The following GABRG3 variants were observed in gnomAD, a reference collection of about 807,000 sequenced individuals.
GABRG3 encodes gamma-aminobutyric acid type A receptor subunit gamma3, also known as gamma-aminobutyric acid receptor subunit gamma-3.
Under a neutral mutation model 48.8 loss-of-function variants are expected in GABRG3, and 25 were observed. The observed-to-expected ratio is 0.51, with a 90% CI of 0.37 to 0.72. GABRG3 has a LOEUF of 0.72. GABRG3 is among the 30% of genes least tolerant of loss of function. The probability of loss-of-function intolerance (pLI) is 0.00; values close to 1 mark genes in which losing one functional copy is unlikely to be tolerated. For missense variants in GABRG3, 394 were observed against 577.9 expected, an observed-to-expected ratio of 0.68 and a Z score of 3.26; for synonymous variants, 227 against 217.6, an observed-to-expected ratio of 1.04 and a Z score of -0.38.
chr15:27,129,483 T>A (rs1056483175), intron 3 of GABRG3, among the ~76,000 whole-genome samples: 1 of 152,228 alleles, frequency 6.6e-6, no homozygotes, highest in Non-Finnish European at 1.5e-5. Context: ...ACCTTCTGGT[T>A]ATTGTGAATA....
chr15:27,434,343 G>A lies in GABRG3; in HGVS notation c.575-46307G>A, dbSNP rs115526789. Among the ~76,000 whole-genome samples, 558 of 152,138 alleles carry A rather than the reference G, an allele frequency of 3.7e-3. 8 individuals carry two copies. The highest frequency in any genetic ancestry group is 0.013 in the African/African-American group (547 of 41,504). ...AAAAATAACTTGTCCTTTGAGAACC[G>A]GCAGAATTCAAGCACAGAGCAAAAG... On this transcript the variant is annotated intron_variant, in intron 5 of 9. Transcript: ENST00000615808.
At chr15:27,110,022 TA>T (rs1897518246) in intron 3 of GABRG3, among the ~76,000 whole-genome samples, 1 of 152,250 alleles carries the variant, frequency 6.6e-6, no homozygotes. Context: ...TGTTCATGTT[TA>T]AAATGATTAT....
rs1382034415 is a variant in GABRG3 at position 26,976,588 on chromosome 15, G to A, written c.54-414G>A. Among the ~76,000 whole-genome samples the A allele has an allele frequency of 6.6e-6, 1 of 152,072 alleles. No individual in the cohort carries two copies. ...TCACCTTCAACGAAAATGAGGTCTT[G>A]GTGGTCAGGGTGGAAACACCACGAT... On this transcript the variant is annotated intron_variant, in intron 1 of 9. Coordinates refer to ENST00000615808, the MANE Select transcript of GABRG3 (RefSeq NM_033223.5). This position sits in a 1 kb window ranked among gnomAD's most constrained non-coding sequence, Gnocchi z 7.8.
At chr15:27,294,021 G>A (rs973955166) in intron 3 of GABRG3, among the ~76,000 whole-genome samples, 2 of 152,098 alleles carry the variant, frequency 1.3e-5, no homozygotes, top group African/African-American at 2.4e-5. Context: ...GTGGGATTGT[G>A]ATTCAAATTA....
chr15:26,983,896 C>A (rs1895101166), intron 2 of GABRG3, among the ~76,000 whole-genome samples: 2 of 152,156 alleles, frequency 1.3e-5, no homozygotes, highest in African/African-American at 4.8e-5. Flanking sequence ...CCGGGTACTT[C>A]AGGGACACTA....
In GABRG3 at chr15:27,532,816, G is replaced by A. The variant is rs888048155; in HGVS notation, c.1339G>A (p.Val447Ile). ...DILELDSYSR[V>I]FFPTSFLLFN... Reference sequence around the variant, plus strand: ...CTTGGAGCTGGACTCGTACTCCCGGGTCTTTTTCCCCACGTCCTTCCTGCT... The same window carrying A: ...CTTGGAGCTGGACTCGTACTCCCGGATCTTTTTCCCCACGTCCTTCCTGCT... The change falls in exon 10 of 10, where the codon GTC becomes ATC. Residue 447 changes from valine (V) to isoleucine (I), a missense_variant. Val to Ile is a conservative substitution (Grantham distance 29, BLOSUM62 3). Around this residue, in one of 3 missense-constraint regions of GABRG3, gnomAD observed 126 missense variants for 155.5 expected, o/e 0.81. Coordinates refer to ENST00000615808, the MANE Select transcript of GABRG3 (RefSeq NM_033223.5). 15 of 1,613,830 alleles carry A rather than the reference G, an allele frequency of 9.3e-6. No individual in the cohort carries two copies. Among genetic ancestry groups the A allele is most frequent in the Non-Finnish European group, 1.3e-5 (15 of 1,179,886 alleles).
At position 27,082,661 on chromosome 15, in the gene GABRG3, G is replaced by T. The variant is rs576730763; in HGVS notation, c.270+55840G>T. 3.3e-5 allele frequency among the ~76,000 whole-genome samples: 5 copies of T among 152,268 alleles called. No individual in the cohort carries two copies. The East Asian group carries it at 9.7e-4, about 29-fold the overall frequency. ...CAGAGTCATTCCGTAGTTGCAGAAC[G>T]TGATTGATGTGGAAAGGATAAAGAA... On this transcript the variant is annotated intron_variant, in intron 3 of 9. Transcript: ENST00000615808.
At chr15:27,093,357 T>C (rs923031216) in intron 3 of GABRG3, among the ~76,000 whole-genome samples, 14 of 152,270 alleles carry the variant, frequency 9.2e-5, no homozygotes, top group African/African-American at 3.4e-4. Flanking sequence ...ATGATGATGA[T>C]AATAGTCAGG....
chr15:27,477,271 G>T (rs1315980550), intron 5 of GABRG3, among the ~76,000 whole-genome samples: 2 of 152,142 alleles, frequency 1.3e-5, no homozygotes, highest in Non-Finnish European at 2.9e-5. Context: ...GAGCTATTAA[G>T]CCATGAAGAC....
intron 3 of GABRG3, among the ~76,000 whole-genome samples, chr15:27,198,598 A>G (rs972899376): frequency 6.6e-6 from 1 of 152,212 alleles, no homozygotes; most frequent in Non-Finnish European, 1.5e-5. Flanking sequence ...TGATTCCTCA[A>G]GAATCTAGAA....
At chr15:27,324,327 G>A (rs1331661183) in intron 3 of GABRG3, among the ~76,000 whole-genome samples, 1 of 152,092 alleles carries the variant, frequency 6.6e-6, no homozygotes, top group Non-Finnish European at 1.5e-5. Flanking sequence ...TGCCCCACAC[G>A]TGCAGTGTAT....
chr15:27,146,999 C>T (rs759412182), intron 3 of GABRG3, among the ~76,000 whole-genome samples: 27 of 151,850 alleles, frequency 1.8e-4, no homozygotes, highest in African/African-American at 2.4e-4. Flanking sequence ...ATTGGCAGAA[C>T]GGCTTTTAAA....
At chr15:27,392,991 C>T (rs1474257296) in intron 5 of GABRG3, among the ~76,000 whole-genome samples, 2 of 151,850 alleles carry the variant, frequency 1.3e-5, no homozygotes, top group Non-Finnish European at 2.9e-5. Flanking sequence ...TTTTTTTCTC[C>T]AATCCTAGAA....
At chr15:27,502,873 T>C (rs1348635455) in intron 6 of GABRG3, among the ~76,000 whole-genome samples, 1 of 151,946 alleles carries the variant, frequency 6.6e-6, no homozygotes, top group Non-Finnish European at 1.5e-5. Context: ...CCCCATGGAG[T>C]TGGGGTGCGC....
rs1481243010 is a variant in GABRG3 at position 27,537,573 on chromosome 15, A to G, written c.*4692A>G. 1 of 152,194 alleles carries G rather than the reference A, an allele frequency of 6.6e-6. No homozygotes were observed. Among genetic ancestry groups the G allele is most frequent in the Non-Finnish European group, 1.5e-5 (1 of 68,028 alleles). The allele number at this position is 152,194 out of a possible 1,614,324, so 9.4% of individuals were successfully genotyped here. On this transcript the variant is annotated 3_prime_UTR_variant, in exon 10 of 10. Coordinates refer to ENST00000615808, the MANE Select transcript of GABRG3 (RefSeq NM_033223.5). ...TATAAAAATAGATCTCTATCATTAT[A>G]GGGATAAAACGTGTATGTTTTGAGA...
Position 27,494,979 on chromosome 15 carries a change from C to T in GABRG3, c.712+14192C>T, listed in dbSNP as rs555070317. Among the ~76,000 whole-genome samples the T allele has an allele frequency of 7.9e-5, 12 of 152,210 alleles. No individual in the cohort carries two copies. The South Asian group carries it at 2.5e-3, about 32-fold the overall frequency. On this transcript the variant is annotated intron_variant, in intron 6 of 9. Transcript: ENST00000615808. ...GAAGTGTACATTTAGTGCTATAAAA[C>T]TCTCATTAAGCACTACTTTAGCTGT...
chr15:27,082,534 A>AG, intron 3 of GABRG3, among the ~76,000 whole-genome samples: 1 of 152,218 alleles, frequency 6.6e-6, no homozygotes, highest in African/African-American at 2.4e-5. Context: ...CCTGCATTAA[A>AG]TGGAACCTGA....
intron 5 of GABRG3, among the ~76,000 whole-genome samples, chr15:27,437,077 T>C (rs899751970): frequency 2.0e-5 from 3 of 151,304 alleles, no homozygotes; most frequent in Admixed American, 1.3e-4. Context: ...ATTTGTTTGT[T>C]TCCATGTTCT....
chr15:27,415,036 G>A (rs34666887), intron 5 of GABRG3, among the ~76,000 whole-genome samples: 29,659 of 151,946 alleles, frequency 0.2, 3,088 homozygotes, highest in Middle Eastern at 0.29. Flanking sequence ...CGTATCTGAC[G>A]TTAATTTGGG....
Sources: gnomAD v4.1 joint callset for allele counts (sites outside exome capture counted in the v4.1 genomes callset) on GRCh38, gnomAD v4.1.1 for gene constraint, gnomAD v4.1.1 regional missense constraint, Gnocchi (gnomAD v3.1) non-coding constraint, MANE v1.5 for transcripts, NCBI Gene and HGNC (gene_info 2026-07-23, HGNC 2026-07-21) for gene names.